The following MMRN2 variants were observed in gnomAD, a reference collection of about 807,000 sequenced individuals.
The protein encoded by MMRN2 is multimerin 2.
Under a neutral mutation model 68.8 loss-of-function variants are expected in MMRN2, and 53 were observed. That is an observed-to-expected ratio of 0.77 (90% CI 0.62 to 0.97). The LOEUF (loss-of-function observed/expected upper bound fraction) is 0.97. MMRN2 is among the 50% of genes least tolerant of loss of function. The probability of loss-of-function intolerance (pLI) is 0.00; values close to 1 mark genes in which losing one functional copy is unlikely to be tolerated. For synonymous variants in MMRN2, 564 were observed against 551.6 expected (o/e 1.02, Z -0.32); for missense variants, 1,266 against 1,259.5 (o/e 1.01, Z -0.08).
chr10:86,940,017 AT>A (rs34638842), intron 6 of MMRN2, among the ~76,000 whole-genome samples: 19,113 of 138,120 alleles, frequency 0.14, 1,386 homozygotes, highest in Admixed American at 0.21. Context: ...CACCGGGCTA[AT>A]TTTTTTTTTT....
At chr10:86,938,192 G>A (rs778321464) in intron 6 of MMRN2, among the ~76,000 whole-genome samples, 3 of 152,088 alleles carry the variant, frequency 2.0e-5, no homozygotes, top group Non-Finnish European at 4.4e-5. Context: ...CCTCAACCCC[G>A]CAAAGTGCTG....
chr10:86,951,247 A>T (rs1844139819), intron 1 of MMRN2, among the ~76,000 whole-genome samples: 1 of 152,252 alleles, frequency 6.6e-6, no homozygotes, highest in Non-Finnish European at 1.5e-5. Flanking sequence ...AACAAGCCTT[A>T]TAGAACCAGT....
intron 1 of MMRN2, among the ~76,000 whole-genome samples, chr10:86,946,157 C>T (rs1252718388): frequency 1.3e-5 from 2 of 152,248 alleles, no homozygotes; most frequent in African/African-American, 4.8e-5. Context: ...GTTCGAATCC[C>T]TCACACTTTC....
chr10:86,935,758 G>C lies in MMRN2; in HGVS notation c.*985C>G, dbSNP rs1407547051. 1.3e-5 allele frequency: 2 copies of C among 152,212 alleles called. No individual in the cohort carries two copies. The highest frequency in any genetic ancestry group is 4.8e-5 in the African/African-American group (2 of 41,434). The allele number at this position is 152,212 out of a possible 1,614,324, so 9.4% of individuals were successfully genotyped here. A position where few individuals can be genotyped will look rare whatever the true frequency, so the allele number is the denominator to read the frequency against. Reference sequence around the variant, plus strand: ...ACCCTATGTAAGGCAAGGAGAAAAAGACATGAAATTTAAATTACAGATAAA... The same window carrying C: ...ACCCTATGTAAGGCAAGGAGAAAAACACATGAAATTTAAATTACAGATAAA... On this transcript the variant is annotated 3_prime_UTR_variant, in exon 7 of 7. Transcript: ENST00000372027.
chr10:86,940,704 G>A (rs1028518308), intron 6 of MMRN2, among the ~76,000 whole-genome samples: 4 of 152,234 alleles, frequency 2.6e-5, no homozygotes, highest in Non-Finnish European at 4.4e-5. Context: ...TGGGGCAGGG[G>A]CTGCCTGGGA....
At chr10:86,945,903 C>T (rs1455802268) in intron 1 of MMRN2, 2 of 1,364,872 alleles carry the variant, frequency 1.5e-6, no homozygotes, top group East Asian at 5.4e-5. Flanking sequence ...TGCTCCACCA[C>T]CTTCCCGAAG....
At chr10:86,953,411 A>G (rs1024121159) in intron 1 of MMRN2, among the ~76,000 whole-genome samples, 7 of 152,202 alleles carry the variant, frequency 4.6e-5, no homozygotes, top group African/African-American at 1.7e-4. Flanking sequence ...GAACTGATAT[A>G]TGCCCATATT....
chr10:86,957,495 C>T lies in MMRN2; in HGVS notation c.47G>A (p.Gly16Glu), dbSNP rs1203590709. 1 of 1,613,074 alleles carries T rather than the reference C, an allele frequency of 6.2e-7. No homozygotes were observed. The highest frequency in any genetic ancestry group is 1.7e-5 in the Admixed American group (1 of 60,004). Residue 16 changes from glycine (G) to glutamate (E), a missense_variant, in exon 1 of 7, where the codon GGG becomes GAG. Coordinates refer to ENST00000372027, the MANE Select transcript of MMRN2 (RefSeq NM_024756.3). ...AGCCTGGGCCCATGCCCCCAGCAGC[C>T]CCCAGCCCAGGGGGCCCCCAAGGCT... Reference protein sequence around the residue: ...LFSLGGPLGWGLLGAWAQASS... With the variant: ...LFSLGGPLGWELLGAWAQASS...
chr10:86,956,800 G>T (rs1676322339), intron 1 of MMRN2, among the ~76,000 whole-genome samples: 1 of 152,236 alleles, frequency 6.6e-6, no homozygotes, highest in Admixed American at 6.5e-5. Flanking sequence ...CACCTCATCA[G>T]CAGGATGGGC....
Position 86,943,186 on chromosome 10 carries a change from A to T in MMRN2, c.1598T>A (p.Leu533Gln). Residue 533 changes from leucine (L) to glutamine (Q), a missense_variant, in exon 6 of 7, where the codon CTG becomes CAG. Coordinates refer to ENST00000372027, the MANE Select transcript of MMRN2 (RefSeq NM_024756.3). This position sits in a 1 kb window ranked among gnomAD's most constrained non-coding sequence, Gnocchi z 4.2. ...GTCCACGGCGTTCTGCAGGGCCTGC[A>T]GGGAGGAGCCGTCCAGCTGCCGCCG... is the stretch of plus-strand genomic sequence containing the variant. The part of the protein sequence containing the change: ...DERRQLDGSS[L>Q]QALQNAVDAV... 1 of 1,608,580 alleles carries T rather than the reference A, an allele frequency of 6.2e-7. No homozygotes were observed.
chr10:86,937,024 G>A lies in MMRN2; in HGVS notation c.2569C>T (p.Pro857Ser). The A allele has an allele frequency of 6.2e-7, 1 of 1,614,222 alleles. No individual in the cohort carries two copies. The highest frequency in any genetic ancestry group is 8.5e-7 in the Non-Finnish European group (1 of 1,180,030). Residue 857 changes from proline (P) to serine (S), a missense_variant, in exon 7 of 7, where the codon CCT becomes TCT. By Grantham distance (74) the Pro-to-Ser change is moderately conservative. Transcript: ENST00000372027. ...TYINIGSSYF[P>S]EHGYFRAPER... Reference sequence around the variant, plus strand: ...GGGGCTCGGAAGTAGCCATGTTCAGGGAAGTAGCTGCTGCCAATGTTGATG... The same window carrying A: ...GGGGCTCGGAAGTAGCCATGTTCAGAGAAGTAGCTGCTGCCAATGTTGATG...
intron 6 of MMRN2, among the ~76,000 whole-genome samples, chr10:86,941,779 G>A (rs1253852246): frequency 2.5e-5 from 3 of 121,774 alleles, no homozygotes; most frequent in East Asian, 4.4e-4. Flanking sequence ...AAGCCTGGAC[G>A]ACAAAGTGAG....
At chr10:86,953,571 A>T (rs1286991035) in intron 1 of MMRN2, among the ~76,000 whole-genome samples, 1 of 152,222 alleles carries the variant, frequency 6.6e-6, no homozygotes, top group East Asian at 1.9e-4. Flanking sequence ...TACTTTCCCC[A>T]GGTGCATTGT....
chr10:86,956,101 T>C (rs1844221357), intron 1 of MMRN2, among the ~76,000 whole-genome samples: 1 of 152,166 alleles, frequency 6.6e-6, no homozygotes, highest in Admixed American at 6.5e-5. Context: ...TCCTTGGTCC[T>C]GAAATCAGAG....
At chr10:86,955,310 T>G (rs931226959) in intron 1 of MMRN2, among the ~76,000 whole-genome samples, 3 of 152,164 alleles carry the variant, frequency 2.0e-5, no homozygotes, top group Non-Finnish European at 4.4e-5. Flanking sequence ...AACAGCCTCT[T>G]CCTCCCGGAG....
Position 86,957,500 on chromosome 10 carries a change from G to A in MMRN2, c.42C>T (p.Gly14=). 1 of 1,612,948 alleles carries A rather than the reference G, an allele frequency of 6.2e-7. No homozygotes were observed. Among genetic ancestry groups the A allele is most frequent in the Middle Eastern group, 1.7e-4 (1 of 6,060 alleles). The change falls in exon 1 of 7, where the codon GGC becomes GGT. Residue 14 remains glycine, a synonymous_variant. Transcript: ENST00000372027. ...SLLFSLGGPL[G]WGLLGAWAQA... is the part of the protein sequence containing the mutation. ...GGGCCCATGCCCCCAGCAGCCCCCA[G>A]CCCAGGGGGCCCCCAAGGCTGAACA... is the stretch of plus-strand genomic sequence containing the variant.
chr10:86,939,677 C>CGA (rs754971521), intron 6 of MMRN2, among the ~76,000 whole-genome samples: 1 of 151,442 alleles, frequency 6.6e-6, no homozygotes, highest in Non-Finnish European at 1.5e-5. Context: ...AGACCCCCAC[C>CGA]CCAACCCAGC....
chr10:86,941,066 C>T (rs1008779475), intron 6 of MMRN2, among the ~76,000 whole-genome samples: 19 of 152,224 alleles, frequency 1.2e-4, no homozygotes, highest in Admixed American at 3.3e-4. Context: ...CTTGTGTTTG[C>T]GCCTCAGTTT....
Position 86,943,790 on chromosome 10 carries a change from C to A in MMRN2, c.994G>T (p.Asp332Tyr), listed in dbSNP as rs749102637. Residue 332 changes from aspartate to tyrosine, a missense_variant, in exon 6 of 7, where the codon GAT becomes TAT. Coordinates refer to ENST00000372027, the MANE Select transcript of MMRN2 (RefSeq NM_024756.3). This position sits in a 1 kb window ranked among gnomAD's most constrained non-coding sequence, Gnocchi z 4.2. Reference sequence around the variant, plus strand: ...AGCCTCTTCAATTTGGTGTCCACATCGGCTTGGAGCTCTGAGATCGAGCGG... The same window carrying A: ...AGCCTCTTCAATTTGGTGTCCACATAGGCTTGGAGCTCTGAGATCGAGCGG... Reference protein sequence around the residue: ...LHRSISELQADVDTKLKRLHK... With the variant: ...LHRSISELQAYVDTKLKRLHK... The A allele has an allele frequency of 4.4e-6, 7 of 1,609,124 alleles. No homozygotes were observed. The highest frequency in any genetic ancestry group is 4.0e-5 in the African/African-American group (3 of 74,938).
Sources: allele counts gnomAD v4.1 joint callset (sites outside exome capture counted in the v4.1 genomes callset), GRCh38; gene constraint gnomAD v4.1.1; non-coding constraint Gnocchi (gnomAD v3.1); transcripts MANE v1.5; gene names NCBI Gene and HGNC (gene_info 2026-07-23, HGNC 2026-07-21).